The following VWA5B2 variants were observed in gnomAD, a reference collection of about 807,000 sequenced individuals.
VWA5B2 encodes von Willebrand factor A domain containing 5B2.
A neutral mutation model predicts 118.5 loss-of-function variants in VWA5B2; 93 were observed. That is an observed-to-expected ratio of 0.79 (90% CI 0.66 to 0.93). VWA5B2 has a LOEUF of 0.93. VWA5B2 is among the 40% of genes least tolerant of loss of function. The pLI is 0.00. For missense variants in VWA5B2, 1,546 were observed against 1,672.8 expected (o/e 0.92, Z 1.32); for synonymous variants, 708 against 716.3 (o/e 0.99, Z 0.19).
chr3:184,240,799 C>A lies in VWA5B2; in HGVS notation c.2749C>A (p.Arg917=), dbSNP rs199997613. The change falls in exon 17 of 20, where the codon CGG becomes AGG. Residue 917 remains arginine (R), a synonymous_variant. Coordinates refer to ENST00000691901, the MANE Select transcript of VWA5B2 (RefSeq NM_001390846.1). ...GCTCCTTGGTTCCACAGGCCATGCCCGGAGGTGCTGGCTTCGAGCCCTTCA... is the reference window on the plus strand; with the variant it reads ...GCTCCTTGGTTCCACAGGCCATGCCAGGAGGTGCTGGCTTCGAGCCCTTCA... The part of the protein sequence containing the change: ...AETTADRGHA[R]RCWLRALQTS... 6.4e-7 allele frequency: 1 copy of A among 1,550,938 alleles called. No homozygotes were observed. The highest frequency in any genetic ancestry group is 8.7e-7 in the Non-Finnish European group (1 of 1,146,964).
At chr3:184,231,008 C>T in intron 3 of VWA5B2, 91 bp downstream of exon 3, 1 of 1,192,558 alleles carries the variant, frequency 8.4e-7, no homozygotes. Flanking sequence ...CCCCCGCCTT[C>T]CTCCGGGCAC....
At position 184,233,132 on chromosome 3, in the gene VWA5B2, T is replaced by A; in HGVS notation, c.311-46T>A. On this transcript the variant is annotated intron_variant, in intron 3 of 19. Transcript: ENST00000691901. The surrounding 1 kb of genome is among the most constrained non-coding windows in gnomAD (Gnocchi z 5.2). Reference sequence around the variant, plus strand: ...GCTTCCACATCTAGCTTCCTCCCTCTCCTCTGCTTCCAGCATGCTCTGACC... The same window carrying A: ...GCTTCCACATCTAGCTTCCTCCCTCACCTCTGCTTCCAGCATGCTCTGACC... The A allele has an allele frequency of 6.6e-7, 1 of 1,509,252 alleles. No individual in the cohort carries two copies. The highest frequency in any genetic ancestry group is 8.9e-7 in the Non-Finnish European group (1 of 1,120,656). 93.5% of individuals were successfully genotyped at this position (1,509,252 alleles called of 1,614,324 possible).
At position 184,238,194 on chromosome 3, in the gene VWA5B2, T is replaced by C; in HGVS notation, c.1720-109T>C. On this transcript the variant is annotated intron_variant, in intron 12 of 19. Transcript: ENST00000691901. This position sits in a 1 kb window ranked among gnomAD's most constrained non-coding sequence, Gnocchi z 5.0. ...CTCCTTCTTTAGTACTGGTCTTTTG[T>C]TTCTGGTTTATTAGCTTTGTTGCCT... 1.0e-6 allele frequency: 1 copy of C among 963,540 alleles called. No individual in the cohort carries two copies. The highest frequency in any genetic ancestry group is 1.5e-6 in the Non-Finnish European group (1 of 665,448). The allele number at this position is 963,540 out of a possible 1,614,324, so 59.7% of individuals were successfully genotyped here.
chr3:184,242,067 C>T lies in VWA5B2; in HGVS notation c.*29C>T. 1.3e-6 allele frequency: 2 copies of T among 1,543,926 alleles called. No homozygotes were observed. Among genetic ancestry groups the T allele is most frequent in the Non-Finnish European group, 1.7e-6 (2 of 1,146,438 alleles). On this transcript the variant is annotated 3_prime_UTR_variant, in exon 20 of 20. Coordinates refer to ENST00000691901, the MANE Select transcript of VWA5B2 (RefSeq NM_001390846.1). ...CTGCCCCCTGCTGCTTGGGCTGGCG[C>T]CCCACCCAACACACTCAAGTCACTG...
chr3:184,230,702 G>T (rs958204735), intron 2 of VWA5B2, 35 bp downstream of exon 2: 37 of 1,226,892 alleles, frequency 3.0e-5, no homozygotes, highest in Non-Finnish European at 3.7e-5. Flanking sequence ...GCGGCGGGGG[G>T]TGCGCCGGGC....
Position 184,237,116 on chromosome 3 carries a change from C to A in VWA5B2, c.1534-110C>A. 1 of 1,254,604 alleles carries A rather than the reference C, an allele frequency of 8.0e-7. No homozygotes were observed. Among genetic ancestry groups the A allele is most frequent in the Admixed American group, 2.3e-5 (1 of 44,150 alleles). 77.7% of individuals were successfully genotyped at this position (1,254,604 alleles called of 1,614,324 possible). Reference sequence around the variant, plus strand: ...ACCCCAGCCTGGCCCTGTGCCCCATCAGCTTAGGGGCTGGGCAGATGGCAT... The same window carrying A: ...ACCCCAGCCTGGCCCTGTGCCCCATAAGCTTAGGGGCTGGGCAGATGGCAT... On this transcript the variant is annotated intron_variant, in intron 11 of 19. Transcript: ENST00000691901. This position sits in a 1 kb window ranked among gnomAD's most constrained non-coding sequence, Gnocchi z 5.6.
chr3:184,230,156 C>CG (rs1035315635), intron 1 of VWA5B2, among the ~76,000 whole-genome samples: 13 of 152,146 alleles, frequency 8.5e-5, no homozygotes, highest in Non-Finnish European at 1.6e-4. Flanking sequence ...CGGGGGGCCC[C>CG]GGGGGGCCGG....
chr3:184,234,944 TGGGGTG>T, intron 7 of VWA5B2, 189 bp downstream of exon 7: 1 of 1,115,370 alleles, frequency 9.0e-7, no homozygotes, highest in East Asian at 2.6e-5. Flanking sequence ...TGAATCTCTC[TGGGGTG>T]TGTCTCAGAG....
intron 7 of VWA5B2, 134 bp from the exon 8 acceptor site, chr3:184,235,019 A>G: frequency 8.2e-7 from 1 of 1,220,682 alleles, no homozygotes; most frequent in South Asian, 1.6e-5. Flanking sequence ...TCCTGCCTTT[A>G]TTCGAATTAC....
At position 184,241,610 on chromosome 3, in the gene VWA5B2, AG is replaced by A; in HGVS notation, c.3302del (p.Ser1101ThrfsTer71). On this transcript the variant is annotated frameshift_variant, in exon 20 of 20. Coordinates refer to ENST00000691901, the MANE Select transcript of VWA5B2 (RefSeq NM_001390846.1). LOFTEE classifies it high-confidence loss of function. This position sits in a 1 kb window ranked among gnomAD's most constrained non-coding sequence, Gnocchi z 5.1. ...CTTTGCCGTGCACCGCGCCAGCCTCAGCCCCACCTCGGCCTCATTGCCCTGG... is the reference window on the plus strand; with the variant it reads ...CTTTGCCGTGCACCGCGCCAGCCTCACCCCACCTCGGCCTCATTGCCCTGG... Reference protein sequence around the residue: ...SPFAVHRASLSPTSASLPWAL... With the variant: ...SPFAVHRASLXPTSASLPWAL... 6.5e-7 allele frequency: 1 copy of A among 1,543,706 alleles called. No homozygotes were observed. The highest frequency in any genetic ancestry group is 8.7e-7 in the Non-Finnish European group (1 of 1,146,580).
rs771850435 is a variant in VWA5B2, at chr3:184,239,365, G to A, written c.2203-29G>A. 30 of 1,506,460 alleles carry A rather than the reference G, an allele frequency of 2.0e-5. No homozygotes were observed. The South Asian group carries it at 3.5e-4, about 18-fold the overall frequency. The allele number at this position is 1,506,460 out of a possible 1,614,324, so 93.3% of individuals were successfully genotyped here. A position where few individuals can be genotyped will look rare whatever the true frequency, so the allele number is the denominator to read the frequency against. ...GATGGTCAAGGGTTCTGCATTCCTT[G>A]ACCAGTGGCCCCCATATCTCACATG... On this transcript the variant is annotated intron_variant, in intron 14 of 19. Coordinates refer to ENST00000691901, the MANE Select transcript of VWA5B2 (RefSeq NM_001390846.1). The surrounding 1 kb of genome is among the most constrained non-coding windows in gnomAD (Gnocchi z 5.1).
intron 7 of VWA5B2, 72 bp from the exon 8 acceptor site, chr3:184,235,081 C>A: frequency 6.7e-7 from 1 of 1,502,442 alleles, no homozygotes; most frequent in Non-Finnish European, 9.0e-7. Flanking sequence ...GCCCCAGAGC[C>A]AGTCCCACTG....
chr3:184,234,287 C>T lies in VWA5B2; in HGVS notation c.710C>T (p.Ala237Val), dbSNP rs1560151993. 3 of 1,551,602 alleles carry T rather than the reference C, an allele frequency of 1.9e-6. No individual in the cohort carries two copies. Among genetic ancestry groups the T allele is most frequent in the Non-Finnish European group, 2.6e-6 (3 of 1,147,014 alleles). ...LLAGLESPSHALRADAPPHAS... is the reference protein window; with the variant it reads ...LLAGLESPSHVLRADAPPHAS... ...TCAGGCCTGGAGAGCCCCTCTCATGCTCTGCGGGCAGATGCCCCCCCTCAT... is the reference window on the plus strand; with the variant it reads ...TCAGGCCTGGAGAGCCCCTCTCATGTTCTGCGGGCAGATGCCCCCCCTCAT... Residue 237 changes from alanine (A) to valine (V), a missense_variant, in exon 6 of 20, where the codon GCT becomes GTT. Ala to Val is a moderately conservative substitution (Grantham distance 64, BLOSUM62 0). Around this residue, in one of 3 missense-constraint regions of VWA5B2, gnomAD observed 775 missense variants for 882.3 expected, o/e 0.88. Transcript: ENST00000691901.
Position 184,233,743 on chromosome 3 carries a change from T to C in VWA5B2, c.688+10T>C. ...CCATGCCTGCTTGCAGGTGGGTGCA[T>C]CTGGCTGGCCTGCCCTCTTTTCAGA... is the stretch of plus-strand genomic sequence containing the variant. On this transcript the variant is annotated intron_variant, in intron 5 of 19. Coordinates refer to ENST00000691901, the MANE Select transcript of VWA5B2 (RefSeq NM_001390846.1). This position sits in a 1 kb window ranked among gnomAD's most constrained non-coding sequence, Gnocchi z 5.2. 1 of 1,549,538 alleles carries C rather than the reference T, an allele frequency of 6.5e-7. No individual in the cohort carries two copies.
At position 184,236,693 on chromosome 3, in the gene VWA5B2, G is replaced by A; in HGVS notation, c.1477G>A (p.Ala493Thr). ...TCHQLLQGLS[A>T]LSRGQAYFLR... Reference sequence around the variant, plus strand: ...CCACCAGCTGCTCCAGGGTTTATCTGCCCTCAGCAGAGGCCAGGCCTACTT... The same window carrying A: ...CCACCAGCTGCTCCAGGGTTTATCTACCCTCAGCAGAGGCCAGGCCTACTT... The change falls in exon 11 of 20, where the codon GCC becomes ACC. Residue 493 changes from alanine (A) to threonine (T), a missense_variant. Physicochemically the swap from Ala to Thr is moderately conservative, Grantham distance 58. Coordinates refer to ENST00000691901, the MANE Select transcript of VWA5B2 (RefSeq NM_001390846.1). The A allele has an allele frequency of 6.4e-7, 1 of 1,550,960 alleles. No individual in the cohort carries two copies. Among genetic ancestry groups the A allele is most frequent in the Non-Finnish European group, 8.7e-7 (1 of 1,146,460 alleles).
rs754896718 is a variant in VWA5B2, at chr3:184,239,938, C to T, written c.2642C>T (p.Ala881Val). The T allele has an allele frequency of 6.4e-7, 1 of 1,551,334 alleles. No individual in the cohort carries two copies. Among genetic ancestry groups the T allele is most frequent in the Non-Finnish European group, 8.7e-7 (1 of 1,146,980 alleles). The change falls in exon 16 of 20, where the codon GCT becomes GTT. Residue 881 changes from alanine to valine, a missense_variant. Ala to Val is a moderately conservative substitution (Grantham distance 64, BLOSUM62 0). Coordinates refer to ENST00000691901, the MANE Select transcript of VWA5B2 (RefSeq NM_001390846.1). The surrounding 1 kb of genome is among the most constrained non-coding windows in gnomAD (Gnocchi z 5.1). ...CCCTCACCTCCTGTAAGAGAAGCTG[C>T]TTGGGACCAAGCACTCCATCGGCTG... ...QPPSPPVREA[A>V]WDQALHRLTA... is the part of the protein sequence containing the mutation.
rs1199183637 is a variant in VWA5B2 at position 184,238,360 on chromosome 3, G to A, written c.1777G>A (p.Ala593Thr). 6.5e-6 allele frequency: 10 copies of A among 1,550,254 alleles called. No individual in the cohort carries two copies. Among genetic ancestry groups the A allele is most frequent in the Non-Finnish European group, 8.7e-6 (10 of 1,146,670 alleles). The change falls in exon 13 of 20, where the codon GCC becomes ACC. Residue 593 changes from alanine (A) to threonine (T), a missense_variant. Coordinates refer to ENST00000691901, the MANE Select transcript of VWA5B2 (RefSeq NM_001390846.1). This position sits in a 1 kb window ranked among gnomAD's most constrained non-coding sequence, Gnocchi z 5.0. ...GTCCGTGTTTCCATCCCCAGAAGAGGCCCCGTCTGCTGCCAGCCCTGGCAC... is the reference window on the plus strand; with the variant it reads ...GTCCGTGTTTCCATCCCCAGAAGAGACCCCGTCTGCTGCCAGCCCTGGCAC... ...GGSVFPSPEE[A>T]PSAASPGTEP...
In VWA5B2 at chr3:184,238,518, C is replaced by T. The variant is rs1418717727; in HGVS notation, c.1891+44C>T. 5 of 1,535,164 alleles carry T rather than the reference C, an allele frequency of 3.3e-6. No homozygotes were observed. Among genetic ancestry groups the T allele is most frequent in the Middle Eastern group, 1.7e-4 (1 of 5,920 alleles). ...GTGTGTGGCTGTATTGGAGTGGGCG[C>T]TGGGAGGGGTCAGGGCTAGGGCCCA... On this transcript the variant is annotated intron_variant, in intron 13 of 19. Coordinates refer to ENST00000691901, the MANE Select transcript of VWA5B2 (RefSeq NM_001390846.1). This position sits in a 1 kb window ranked among gnomAD's most constrained non-coding sequence, Gnocchi z 5.0.
At position 184,237,217 on chromosome 3, in the gene VWA5B2, T is replaced by C. The variant is rs1402914001; in HGVS notation, c.1534-9T>C. On this transcript the variant is annotated splice_polypyrimidine_tract_variant and intron_variant, in intron 11 of 19. Coordinates refer to ENST00000691901, the MANE Select transcript of VWA5B2 (RefSeq NM_001390846.1). The surrounding 1 kb of genome is among the most constrained non-coding windows in gnomAD (Gnocchi z 5.6). ...CTTCCCATGTCTTCCCTGTGGCCAC[T>C]CCCCACAGCTGGTACAGGCTCTGCG... 1 of 1,548,398 alleles carries C rather than the reference T, an allele frequency of 6.5e-7. No homozygotes were observed. Among genetic ancestry groups the C allele is most frequent in the East Asian group, 2.4e-5 (1 of 40,830 alleles).
Sources: gnomAD v4.1 joint callset for allele counts (sites outside exome capture counted in the v4.1 genomes callset) on GRCh38, gnomAD v4.1.1 for gene constraint, gnomAD v4.1.1 regional missense constraint, Gnocchi (gnomAD v3.1) non-coding constraint, MANE v1.5 for transcripts, NCBI Gene and HGNC (gene_info 2026-07-23, HGNC 2026-07-21) for gene names.